The following SLC25A13 variants were observed in gnomAD, a reference collection of about 807,000 sequenced individuals.
SLC25A13 encodes electrogenic aspartate/glutamate antiporter SLC25A13, mitochondrial.
SLC25A13 carries 70 observed loss-of-function variants against 85.5 expected under a neutral mutation model. That is an observed-to-expected ratio of 0.82 (90% CI 0.68 to 1.00). SLC25A13 has a LOEUF of 1.00. Among genes scored for constraint, SLC25A13 ranks in the 50% least tolerant of loss-of-function variants. SLC25A13 has a pLI of 0.00. For missense variants in SLC25A13, 765 were observed against 819.8 expected (o/e 0.93, Z 0.82); for synonymous variants, 259 against 288.7 (o/e 0.90, Z 1.04).
chr7:96,186,187 T>C (rs1794637544), intron 9 of SLC25A13, among the ~76,000 whole-genome samples: 1 of 152,026 alleles, frequency 6.6e-6, no homozygotes, highest in East Asian at 1.9e-4. Context: ...CCCAGCACTT[T>C]GGGAGGCCGA....
chr7:96,211,625 T>A (rs1402986082), intron 4 of SLC25A13, among the ~76,000 whole-genome samples: 1 of 152,230 alleles, frequency 6.6e-6, no homozygotes, highest in African/African-American at 2.4e-5. Flanking sequence ...CCACTATGGC[T>A]GGCACAGTGG....
In SLC25A13 at chr7:96,121,873, T is replaced by C; in HGVS notation, c.1716A>G (p.Glu572=). The C allele has an allele frequency of 1.2e-6, 2 of 1,614,224 alleles. No individual in the cohort carries two copies. Among genetic ancestry groups the C allele is most frequent in the South Asian group, 1.1e-5 (1 of 91,076 alleles). Reference sequence around the variant, plus strand: ...CCTTCCACAGAGCTTTTGGTCCTTCTTCACGCAGTATCTTTCTAAAGCAGT... The same window carrying C: ...CCTTCCACAGAGCTTTTGGTCCTTCCTCACGCAGTATCTTTCTAAAGCAGT... ...VIDCFRKILR[E]EGPKALWKGA... is the part of the protein sequence containing the mutation. Residue 572 remains glutamate, a synonymous_variant, in exon 16 of 18, where the codon GAA becomes GAG. Coordinates refer to ENST00000265631, the MANE Select transcript of SLC25A13 (RefSeq NM_014251.3).
intron 13 of SLC25A13, among the ~76,000 whole-genome samples, chr7:96,147,676 A>T (rs1792861132): frequency 6.6e-6 from 1 of 152,236 alleles, no homozygotes; most frequent in Admixed American, 6.5e-5. Context: ...TATTTATAAA[A>T]GCTGGAAAGA....
At chr7:96,307,670 G>A (rs566403941) in intron 1 of SLC25A13, among the ~76,000 whole-genome samples, 1 of 152,222 alleles carries the variant, frequency 6.6e-6, no homozygotes, top group Admixed American at 6.5e-5. Context: ...GGCTAGATAG[G>A]GAGATGAGGG....
chr7:96,230,976 TG>T (rs1221687016), intron 4 of SLC25A13, among the ~76,000 whole-genome samples: 1 of 152,058 alleles, frequency 6.6e-6, no homozygotes, highest in Non-Finnish European at 1.5e-5. Flanking sequence ...CCAGGCATGG[TG>T]GTGCATGCCT....
chr7:96,273,677 G>A (rs566756935), intron 3 of SLC25A13, among the ~76,000 whole-genome samples: 4 of 152,304 alleles, frequency 2.6e-5, no homozygotes, highest in Admixed American at 6.5e-5. Flanking sequence ...GTCAATCTAG[G>A]TGAAGGGTAT....
rs971195484 is a variant in SLC25A13, at chr7:96,234,891, G to A, written c.239C>T (p.Ala80Val). Reference protein sequence around the residue: ...DGLISFQEFVAFESVLCAPDA... With the variant: ...DGLISFQEFVVFESVLCAPDA... ...AGGGGCACACAGGACAGATTCAAAG[G>A]CAACAAATTCTTGAAAAGATATTAA... The change falls in exon 4 of 18, where the codon GCC becomes GTC. Residue 80 changes from alanine to valine, a missense_variant. Physicochemically the swap from Ala to Val is moderately conservative, Grantham distance 64. Transcript: ENST00000265631. 1 of 1,613,510 alleles carries A rather than the reference G, an allele frequency of 6.2e-7. No individual in the cohort carries two copies. The highest frequency in any genetic ancestry group is 1.7e-5 in the Admixed American group (1 of 60,010).
chr7:96,262,534 G>A (rs898467753), intron 3 of SLC25A13, among the ~76,000 whole-genome samples: 3 of 149,846 alleles, frequency 2.0e-5, no homozygotes, highest in African/African-American at 7.4e-5. Context: ...AAAAAAAAGA[G>A]TAAGAGGTAA....
chr7:96,144,934 C>A (rs1792717860), intron 14 of SLC25A13, among the ~76,000 whole-genome samples: 2 of 152,126 alleles, frequency 1.3e-5, no homozygotes, highest in South Asian at 4.1e-4. Flanking sequence ...TGAAAGACTC[C>A]TGGCATCTTG....
chr7:96,189,487 T>TCAGTTTG, intron 8 of SLC25A13, 94 bp downstream of exon 8: 1 of 1,522,460 alleles, frequency 6.6e-7, no homozygotes, highest in Non-Finnish European at 9.1e-7. Context: ...AGTATAGCCT[T>TCAGTTTG]CAGTTTGGCT....
chr7:96,249,952 G>C (rs930213504), intron 3 of SLC25A13, among the ~76,000 whole-genome samples: 2 of 150,524 alleles, frequency 1.3e-5, no homozygotes, highest in South Asian at 2.1e-4. Flanking sequence ...GGGAGGCTAA[G>C]GCGGGCGGAT....
intron 2 of SLC25A13, among the ~76,000 whole-genome samples, chr7:96,285,442 T>C (rs1441477020): frequency 6.6e-6 from 1 of 152,150 alleles, no homozygotes; most frequent in Non-Finnish European, 1.5e-5. Context: ...AATAAACACT[T>C]AAAGGATGAG....
chr7:96,178,019 C>A (rs183257229), intron 11 of SLC25A13, among the ~76,000 whole-genome samples: 196 of 152,290 alleles, frequency 1.3e-3, no homozygotes, highest in Non-Finnish European at 2.3e-3. Context: ...CCCTGCCCTG[C>A]CTGACCCTTG....
intron 4 of SLC25A13, among the ~76,000 whole-genome samples, chr7:96,217,832 T>C (rs189416326): frequency 1.3e-5 from 2 of 150,670 alleles, no homozygotes; most frequent in African/African-American, 4.9e-5. Flanking sequence ...TACAAATCTG[T>C]GAATATATTA....
At chr7:96,129,488 T>C (rs1183943613) in intron 15 of SLC25A13, among the ~76,000 whole-genome samples, 1 of 152,006 alleles carries the variant, frequency 6.6e-6, no homozygotes, top group African/African-American at 2.4e-5. Context: ...TGATTCAACA[T>C]AGGGGAAAAA....
At chr7:96,252,960 G>T (rs1243666669) in intron 3 of SLC25A13, among the ~76,000 whole-genome samples, 1 of 152,146 alleles carries the variant, frequency 6.6e-6, no homozygotes, top group Non-Finnish European at 1.5e-5. Flanking sequence ...TGGGCATGGT[G>T]CCATGCTCCT....
chr7:96,148,947 A>G (rs1792912612), intron 13 of SLC25A13, among the ~76,000 whole-genome samples: 1 of 152,194 alleles, frequency 6.6e-6, no homozygotes, highest in African/African-American at 2.4e-5. Flanking sequence ...CCTTTACTCC[A>G]GTTGGTTTCT....
chr7:96,278,159 A>G (rs1355376998), intron 2 of SLC25A13, among the ~76,000 whole-genome samples: 1 of 152,200 alleles, frequency 6.6e-6, no homozygotes, highest in African/African-American at 2.4e-5. Context: ...AAGGGCAGAA[A>G]TGCTGAGAAA....
intron 3 of SLC25A13, among the ~76,000 whole-genome samples, chr7:96,261,263 CTTT>C (rs915999365): frequency 6.6e-6 from 1 of 152,076 alleles, no homozygotes; most frequent in Non-Finnish European, 1.5e-5. Context: ...CTATATATAT[CTTT>C]TGTTTACATT....
Sources: allele counts gnomAD v4.1 joint callset (sites outside exome capture counted in the v4.1 genomes callset), GRCh38; gene constraint gnomAD v4.1.1; transcripts MANE v1.5; gene names NCBI Gene and HGNC (gene_info 2026-07-23, HGNC 2026-07-21).